The following DSN1 variants were observed in gnomAD, a reference collection of about 807,000 sequenced individuals.
DSN1 encodes DSN1 component of MIS12 kinetochore complex.
A neutral mutation model predicts 45.7 loss-of-function variants in DSN1; 31 were observed. The ratio of observed to expected loss-of-function variants is 0.68; its 90% CI spans 0.51 to 0.92. The LOEUF (loss-of-function observed/expected upper bound fraction) is 0.92. Among genes scored for constraint, DSN1 ranks in the 40% least tolerant of loss-of-function variants. The pLI is 0.00. For synonymous variants in DSN1, 134 were observed against 142.3 expected (o/e 0.94, Z 0.41); for missense variants, 394 against 414.2 (o/e 0.95, Z 0.42).
At position 36,771,088 on chromosome 20, in the gene DSN1, C is replaced by T. The variant is rs1987624009; in HGVS notation, c.140G>A (p.Gly47Asp). The change falls in exon 3 of 11, where the codon GGC (glycine) becomes GAC (aspartate). Residue 47 changes from glycine (G) to aspartate (D), a missense_variant. Physicochemically the swap from Gly to Asp is moderately conservative, Grantham distance 94. Transcript: ENST00000373750. Reference sequence around the variant, plus strand: ...AAGGTGAATTCTTTCCTCTGAAACGCCTTGATTCATCTCCAGGGAGGCAGA... The same window carrying T: ...AAGGTGAATTCTTTCCTCTGAAACGTCTTGATTCATCTCCAGGGAGGCAGA... ...KTSASLEMNQ[G>D]VSEERIHLGS... is the part of the protein sequence containing the mutation. 1.2e-6 allele frequency: 2 copies of T among 1,614,166 alleles called. No individual in the cohort carries two copies. Among genetic ancestry groups the T allele is most frequent in the Non-Finnish European group, 1.7e-6 (2 of 1,180,036 alleles).
At chr20:36,758,737 G>A (rs1986810451) in intron 6 of DSN1, 120 bp from the exon 7 acceptor site, 11 of 916,180 alleles carry the variant, frequency 1.2e-5, no homozygotes, top group Non-Finnish European at 1.8e-5. Flanking sequence ...GCCCAGGCTG[G>A]AGTGCAATGG....
intron 10 of DSN1, among the ~76,000 whole-genome samples, chr20:36,753,740 C>T (rs1600998026): frequency 1.3e-5 from 2 of 151,912 alleles, no homozygotes; most frequent in African/African-American, 2.4e-5. Context: ...GGAGCAGTGG[C>T]TCATGCCTGT....
chr20:36,763,410 G>GAAAAAAAAA lies in DSN1; in HGVS notation c.503-871_503-863dup, dbSNP rs71186016. Among the ~76,000 whole-genome samples the GAAAAAAAAA allele has an allele frequency of 7.4e-4, 62 of 84,102 alleles. 1 individual carries two copies. The highest frequency in any genetic ancestry group is 8.6e-4 in the African/African-American group (18 of 20,854). The allele number at this position is 84,102 out of a possible 152,430, so 55.2% of individuals were successfully genotyped here. A position where few individuals can be genotyped will look rare whatever the true frequency, so the allele number is the denominator to read the frequency against. ...AGAATGAGACTCTGTCTCAAAAAAAGAAAAAAAAAAAAAAAAAAAAAAAGA... is the reference window on the plus strand; with the variant it reads ...AGAATGAGACTCTGTCTCAAAAAAAGAAAAAAAAAAAAAAAAAAAAAAAAAAAAAAAAGA... On this transcript the variant is annotated intron_variant, in intron 5 of 10. Transcript: ENST00000373750.
intron 6 of DSN1, among the ~76,000 whole-genome samples, chr20:36,759,133 T>C (rs2425276): frequency 0.063 from 9,508 of 152,030 alleles, 1,031 homozygotes; most frequent in African/African-American, 0.22. Flanking sequence ...CAAGTGCCCA[T>C]GACCATCCCT....
chr20:36,763,748 G>A (rs377741629), intron 5 of DSN1, among the ~76,000 whole-genome samples: 2 of 151,744 alleles, frequency 1.3e-5, no homozygotes, highest in Non-Finnish European at 2.9e-5. Flanking sequence ...TTAGCTGGGC[G>A]TGGTTGCGCA....
In DSN1 at chr20:36,759,734, C is replaced by T. The variant is rs1017195853; in HGVS notation, c.591-1117G>A. On this transcript the variant is annotated intron_variant, in intron 6 of 10. Coordinates refer to ENST00000373750, the MANE Select transcript of DSN1 (RefSeq NM_001145315.2). ...TCCTGACCTCGTGATCCGCCCGCCTCGGCCTCCCAAACTGCTGGGATTACA... is the reference window on the plus strand; with the variant it reads ...TCCTGACCTCGTGATCCGCCCGCCTTGGCCTCCCAAACTGCTGGGATTACA... 3.6e-4 allele frequency among the ~76,000 whole-genome samples: 54 copies of T among 151,984 alleles called. 1 individual carries two copies. Among genetic ancestry groups the T allele is most frequent in the Admixed American group, 1.6e-3 (24 of 15,246 alleles).
At chr20:36,768,130 A>T in intron 3 of DSN1, 88 bp from the exon 4 acceptor site, 1 of 1,299,628 alleles carries the variant, frequency 7.7e-7, no homozygotes, top group Non-Finnish European at 1.1e-6. Context: ...CCTCTTGATA[A>T]ATCCAACTTA....
chr20:36,772,589 CCA>C (rs1185189287), intron 1 of DSN1, among the ~76,000 whole-genome samples: 5 of 152,218 alleles, frequency 3.3e-5, no homozygotes, highest in African/African-American at 1.2e-4. Context: ...CACACCCGGC[CCA>C]GTCTATTCTT....
rs2148252258 is a variant in DSN1, at chr20:36,752,695, G to A, written c.*93C>T. 3.0e-6 allele frequency: 3 copies of A among 1,010,810 alleles called. No homozygotes were observed. Among genetic ancestry groups the A allele is most frequent in the South Asian group, 1.4e-5 (1 of 72,972 alleles). 62.6% of individuals were successfully genotyped at this position (1,010,810 alleles called of 1,614,324 possible). ...GTCAGTCCTGCCAGTTATCTTCAAA[G>A]GCAACGAGCAGAAATCACGCAGTCA... is the stretch of plus-strand genomic sequence containing the variant. On this transcript the variant is annotated 3_prime_UTR_variant, in exon 11 of 11. Transcript: ENST00000373750.
chr20:36,771,079 T>C lies in DSN1; in HGVS notation c.149A>G (p.Glu50Gly), dbSNP rs374734030. ...GCTAGAGCCAAGGTGAATTCTTTCC[T>C]CTGAAACGCCTTGATTCATCTCCAG... is the stretch of plus-strand genomic sequence containing the variant. Reference protein sequence around the residue: ...ASLEMNQGVSEERIHLGSSPK... With the variant: ...ASLEMNQGVSGERIHLGSSPK... The change falls in exon 3 of 11, where the codon GAG becomes GGG. Residue 50 changes from glutamate (E) to glycine (G), a missense_variant. By Grantham distance (98) the Glu-to-Gly change is moderately conservative (BLOSUM62 -2). Transcript: ENST00000373750. 3.1e-6 allele frequency: 5 copies of C among 1,614,194 alleles called. No individual in the cohort carries two copies. In the South Asian group the frequency reaches 4.4e-5, roughly 14 times the overall value.
intron 9 of DSN1, among the ~76,000 whole-genome samples, chr20:36,755,453 C>T (rs902835848): frequency 6.6e-6 from 1 of 152,026 alleles, no homozygotes; most frequent in Non-Finnish European, 1.5e-5. Flanking sequence ...AAAATAGCAA[C>T]CCACCAACCT....
rs552253056 is a variant in DSN1, at chr20:36,762,373, G to A, written c.590+88C>T. The A allele has an allele frequency of 3.3e-6, 4 of 1,207,486 alleles. No individual in the cohort carries two copies. The African/African-American group carries it at 4.6e-5, about 14-fold the overall frequency. 74.8% of individuals were successfully genotyped at this position (1,207,486 alleles called of 1,614,324 possible). A position where few individuals can be genotyped will look rare whatever the true frequency, so the allele number is the denominator to read the frequency against. Reference sequence around the variant, plus strand: ...AATCCGCCCACCTCGGCCTCCCAAAGTGCTGGGATTACAGGCCTGAGCCAC... The same window carrying A: ...AATCCGCCCACCTCGGCCTCCCAAAATGCTGGGATTACAGGCCTGAGCCAC... On this transcript the variant is annotated intron_variant, in intron 6 of 10. Transcript: ENST00000373750.
chr20:36,761,966 A>G (rs542064803), intron 6 of DSN1, among the ~76,000 whole-genome samples: 74 of 152,024 alleles, frequency 4.9e-4, no homozygotes, highest in Non-Finnish European at 5.6e-4. Flanking sequence ...CCAAGATTGC[A>G]CCATTGCACT....
intron 5 of DSN1, among the ~76,000 whole-genome samples, chr20:36,763,167 G>A (rs1696694198): frequency 6.6e-6 from 1 of 152,162 alleles, no homozygotes; most frequent in Non-Finnish European, 1.5e-5. Flanking sequence ...ACTTTGGGAG[G>A]CCAAGGCAGG....
At chr20:36,763,129 C>T (rs887978996) in intron 5 of DSN1, among the ~76,000 whole-genome samples, 8 of 152,082 alleles carry the variant, frequency 5.3e-5, no homozygotes, top group African/African-American at 1.2e-4. Flanking sequence ...TGAGGCTGGG[C>T]GGGGTGGCTC....
chr20:36,767,180 G>A (rs1987388422), intron 4 of DSN1, among the ~76,000 whole-genome samples: 1 of 151,876 alleles, frequency 6.6e-6, no homozygotes, highest in Non-Finnish European at 1.5e-5. Flanking sequence ...GGTGGCGCGT[G>A]CCTGTAGTCC....
chr20:36,761,379 CAA>C (rs1051936328), intron 6 of DSN1, among the ~76,000 whole-genome samples: 3 of 152,092 alleles, frequency 2.0e-5, no homozygotes, highest in Non-Finnish European at 4.4e-5. Context: ...TAATGTATGA[CAA>C]AAGAGACCTT....
chr20:36,758,391 T>C (rs538590331), intron 7 of DSN1, among the ~76,000 whole-genome samples, 167 bp downstream of exon 7: 1 of 152,340 alleles, frequency 6.6e-6, no homozygotes, highest in African/African-American at 2.4e-5. Context: ...ATGAAATTGA[T>C]CATTAGTAGA....
At chr20:36,767,654 A>C (rs780442123) in intron 4 of DSN1, among the ~76,000 whole-genome samples, 2 of 152,226 alleles carry the variant, frequency 1.3e-5, no homozygotes, top group African/African-American at 2.4e-5. Flanking sequence ...CTGTAATCCC[A>C]GCACTTTGGG....
Sources: allele counts gnomAD v4.1 joint callset (sites outside exome capture counted in the v4.1 genomes callset), GRCh38; gene constraint gnomAD v4.1.1; transcripts MANE v1.5; gene names NCBI Gene and HGNC (gene_info 2026-07-23, HGNC 2026-07-21).